EXOC6B: variants seen among roughly 807,000 people sequenced by gnomAD.
The protein encoded by EXOC6B is exocyst complex component 6B, also known as SEC15 homolog B.
Under a neutral mutation model 113.5 loss-of-function variants are expected in EXOC6B, and 54 were observed. The ratio of observed to expected loss-of-function variants is 0.48; its 90% CI spans 0.38 to 0.60. The LOEUF (loss-of-function observed/expected upper bound fraction) is 0.60, where lower values mean the gene tolerates loss of function less well. Among genes scored for constraint, EXOC6B ranks in the 20% least tolerant of loss-of-function variants. The probability of loss-of-function intolerance (pLI) is 0.00; values close to 1 mark genes in which losing one functional copy is unlikely to be tolerated. For missense variants in EXOC6B, 797 were observed against 977.5 expected, an observed-to-expected ratio of 0.82 and a Z score of 2.46; for synonymous variants, 357 against 339.0, an observed-to-expected ratio of 1.05 and a Z score of -0.58.
At chr2:72,228,664 A>G (rs994210247) in intron 20 of EXOC6B, among the ~76,000 whole-genome samples, 6 of 152,146 alleles carry the variant, frequency 3.9e-5, no homozygotes, top group African/African-American at 1.4e-4. Context: ...CCAGTCTAAC[A>G]TTGTTGGACA....
At chr2:72,700,861 G>T (rs905342139) in intron 6 of EXOC6B, among the ~76,000 whole-genome samples, 1 of 152,196 alleles carries the variant, frequency 6.6e-6, no homozygotes, top group Non-Finnish European at 1.5e-5. Context: ...TGAGGCAAGA[G>T]AATCGCTTGA....
chr2:72,453,750 C>T (rs181198975), intron 18 of EXOC6B, among the ~76,000 whole-genome samples: 1 of 152,276 alleles, frequency 6.6e-6, no homozygotes, highest in African/African-American at 2.4e-5. Context: ...TAAAACTCAA[C>T]ACCCCACAAC....
chr2:72,809,712 T>G (rs1685774023), intron 1 of EXOC6B, among the ~76,000 whole-genome samples: 1 of 151,640 alleles, frequency 6.6e-6, no homozygotes, highest in Non-Finnish European at 1.5e-5. Flanking sequence ...ACTAAATGTG[T>G]ATCAAACAAC....
In EXOC6B at chr2:72,317,356, T is replaced by C. The variant is rs192140952; in HGVS notation, c.2196+17591A>G. Among the ~76,000 whole-genome samples the C allele has an allele frequency of 2.5e-3, 377 of 152,020 alleles. 1 individual carries two copies. The highest frequency in any genetic ancestry group is 8.9e-3 in the African/African-American group (368 of 41,464). On this transcript the variant is annotated intron_variant, in intron 20 of 21. Coordinates refer to ENST00000272427, the MANE Select transcript of EXOC6B (RefSeq NM_015189.3). Reference sequence around the variant, plus strand: ...TACCTCCCTCTAACTAAATTAAACATCTCTATGCCCTATCATTTCATCAAG... The same window carrying C: ...TACCTCCCTCTAACTAAATTAAACACCTCTATGCCCTATCATTTCATCAAG...
chr2:72,471,265 CTTTT>C (rs1327621813), intron 17 of EXOC6B, among the ~76,000 whole-genome samples: 1 of 152,150 alleles, frequency 6.6e-6, no homozygotes, highest in Non-Finnish European at 1.5e-5. Flanking sequence ...TAAATGTCTT[CTTTT>C]GAGAAGTGTC....
intron 20 of EXOC6B, chr2:72,288,691 TATATA>T: frequency 6.9e-6 from 1 of 145,970 alleles, no homozygotes; most frequent in Non-Finnish European, 1.5e-5. Context: ...CTGATAGAAA[TATATA>T]TATATATATA....
At chr2:72,239,765 T>C (rs948071561) in intron 20 of EXOC6B, among the ~76,000 whole-genome samples, 7 of 152,340 alleles carry the variant, frequency 4.6e-5, no homozygotes, top group Admixed American at 2.0e-4. Flanking sequence ...TTTAACAATA[T>C]TTAGTCTACC....
At chr2:72,224,817 T>TGCGCGC (rs1553468171) in intron 20 of EXOC6B, among the ~76,000 whole-genome samples, 2 of 146,630 alleles carry the variant, frequency 1.4e-5, no homozygotes, top group Admixed American at 6.8e-5. Context: ...TGTGTGTGTG[T>TGCGCGC]GTGCGTGTGT....
At chr2:72,401,494 CATATATATATATATATATATACAT>C (rs1693157864) in intron 18 of EXOC6B, among the ~76,000 whole-genome samples, 1 of 59,644 alleles carries the variant, frequency 1.7e-5, no homozygotes, top group African/African-American at 8.9e-5. Flanking sequence ...ATTTTATATA[CATATATATATATATATATATACAT>C]ATATACATAT....
intron 6 of EXOC6B, among the ~76,000 whole-genome samples, chr2:72,615,411 T>C (rs1243709320): frequency 6.6e-6 from 1 of 151,508 alleles, no homozygotes; most frequent in Non-Finnish European, 1.5e-5. Flanking sequence ...ATTAACAGAG[T>C]TCAACTGAGC....
intron 18 of EXOC6B, among the ~76,000 whole-genome samples, chr2:72,458,261 T>A (rs1697374947): frequency 6.6e-6 from 1 of 152,184 alleles, no homozygotes; most frequent in Non-Finnish European, 1.5e-5. Context: ...TTCTCTCCCA[T>A]TCTTTCTCGA....
chr2:72,397,785 T>G (rs67085067), intron 18 of EXOC6B, among the ~76,000 whole-genome samples: 31,767 of 151,752 alleles, frequency 0.21, 6,309 homozygotes, highest in African/African-American at 0.53. Context: ...ATCATTAGCA[T>G]ATAAATGATG....
At chr2:72,245,772 C>A (rs1207382810) in intron 20 of EXOC6B, among the ~76,000 whole-genome samples, 1 of 152,000 alleles carries the variant, frequency 6.6e-6, no homozygotes, top group Non-Finnish European at 1.5e-5. Flanking sequence ...AAGAACAGAC[C>A]ATTATGTAAA....
chr2:72,234,084 T>C (rs1398237643), intron 20 of EXOC6B, among the ~76,000 whole-genome samples: 3 of 47,958 alleles, frequency 6.3e-5, no homozygotes. Context: ...GGACCGCCTC[T>C]TTTTTTTTTT....
chr2:72,594,561 T>C (rs1217841688), intron 6 of EXOC6B, among the ~76,000 whole-genome samples: 1 of 152,100 alleles, frequency 6.6e-6, no homozygotes, highest in African/African-American at 2.4e-5. Flanking sequence ...GAAAGACAAT[T>C]ATATATGTTT....
At chr2:72,782,115 G>A (rs142721654) in intron 1 of EXOC6B, among the ~76,000 whole-genome samples, 4 of 150,084 alleles carry the variant, frequency 2.7e-5, no homozygotes. Context: ...ACTCCAGCCT[G>A]GGCAACAGAG....
chr2:72,398,939 A>T (rs1186443336), intron 18 of EXOC6B, among the ~76,000 whole-genome samples: 1 of 151,898 alleles, frequency 6.6e-6, no homozygotes, highest in African/African-American at 2.4e-5. Flanking sequence ...TAAAAAGAAA[A>T]TAGTAAATCC....
At chr2:72,555,208 A>G (rs1435900389) in intron 8 of EXOC6B, among the ~76,000 whole-genome samples, 2 of 152,218 alleles carry the variant, frequency 1.3e-5, no homozygotes, top group Non-Finnish European at 2.9e-5. Flanking sequence ...CAGTGCCACA[A>G]TAAACATACT....
intron 20 of EXOC6B, among the ~76,000 whole-genome samples, chr2:72,276,824 T>C (rs1019809208): frequency 6.6e-6 from 1 of 152,190 alleles, no homozygotes; most frequent in Non-Finnish European, 1.5e-5. Context: ...CTATTCCTCT[T>C]GAAACAATTA....
Sources: gnomAD v4.1 joint callset for allele counts (sites outside exome capture counted in the v4.1 genomes callset) on GRCh38, gnomAD v4.1.1 for gene constraint, MANE v1.5 for transcripts, NCBI Gene and HGNC (gene_info 2026-07-23, HGNC 2026-07-21) for gene names.